The following CAB39L variants were observed in gnomAD, a reference collection of about 807,000 sequenced individuals.
The protein encoded by CAB39L is calcium binding protein 39 like, also known as calcium-binding protein 39-like.
In CAB39L, 23 loss-of-function variants were observed where a neutral mutation model predicts 39.1. That is an observed-to-expected ratio of 0.59 (90% CI 0.42 to 0.83). CAB39L has a LOEUF of 0.83. CAB39L is among the 40% of genes least tolerant of loss of function. CAB39L has a pLI of 0.00. For synonymous variants in CAB39L, 126 were observed against 137.2 expected (o/e 0.92, Z 0.57); for missense variants, 366 against 391.9 (o/e 0.93, Z 0.56).
chr13:49,411,113 T>A (rs1956979452), intron 3 of CAB39L, among the ~76,000 whole-genome samples: 1 of 152,164 alleles, frequency 6.6e-6, no homozygotes, highest in Admixed American at 6.6e-5. Flanking sequence ...GCTTCTCTAT[T>A]GTTTTAAAAT....
intron 9 of CAB39L, among the ~76,000 whole-genome samples, chr13:49,332,926 G>A (rs79947505): frequency 2.0e-3 from 297 of 151,962 alleles, no homozygotes; most frequent in Admixed American, 3.7e-3. Flanking sequence ...CCTATTTACT[G>A]GACTTTTTCT....
intron 3 of CAB39L, among the ~76,000 whole-genome samples, chr13:49,402,106 A>G (rs1956785337): frequency 1.3e-5 from 2 of 152,188 alleles, no homozygotes; most frequent in Admixed American, 1.3e-4. Flanking sequence ...CAGTTTAATC[A>G]TGTATGTGCA....
intron 3 of CAB39L, among the ~76,000 whole-genome samples, chr13:49,431,461 C>CT (rs1478272971): frequency 7.2e-5 from 11 of 152,148 alleles, no homozygotes; most frequent in African/African-American, 2.7e-4. Flanking sequence ...AATCCCAGCA[C>CT]TTTGGGAGGT....
At chr13:49,366,254 AATGCTTGAGAGGATGG>A (rs1207360761) in intron 5 of CAB39L, among the ~76,000 whole-genome samples, 1 of 152,144 alleles carries the variant, frequency 6.6e-6, no homozygotes, top group Non-Finnish European at 1.5e-5. Context: ...ACCAAGGATA[AATGCTTGAGAGGATGG>A]ATACCCAATT....
chr13:49,338,438 G>T (rs1954908627), intron 9 of CAB39L, among the ~76,000 whole-genome samples: 1 of 148,052 alleles, frequency 6.8e-6, no homozygotes, highest in Non-Finnish European at 1.5e-5. Flanking sequence ...ACTCATAGGT[G>T]GGAATTGAAC....
intron 3 of CAB39L, among the ~76,000 whole-genome samples, chr13:49,417,172 C>T (rs1268676055): frequency 6.6e-6 from 1 of 152,140 alleles, no homozygotes; most frequent in African/African-American, 2.4e-5. Flanking sequence ...AGATAGTGGG[C>T]ACTTTATATT....
intron 3 of CAB39L, among the ~76,000 whole-genome samples, chr13:49,403,278 G>C (rs1956810510): frequency 6.6e-6 from 1 of 152,072 alleles, no homozygotes; most frequent in Non-Finnish European, 1.5e-5. Context: ...ATTAGTTTTA[G>C]ATTAAAGGTT....
chr13:49,400,504 T>C (rs1444124278), intron 3 of CAB39L, among the ~76,000 whole-genome samples: 3 of 150,652 alleles, frequency 2.0e-5, no homozygotes, highest in Non-Finnish European at 4.4e-5. Context: ...TTCAACAGAA[T>C]AAGATTATAC....
chr13:49,422,503 G>A (rs930990182), intron 3 of CAB39L, among the ~76,000 whole-genome samples: 19 of 152,314 alleles, frequency 1.2e-4, no homozygotes, highest in African/African-American at 4.1e-4. Flanking sequence ...GAACTGGGAG[G>A]TGGAGGTTAC....
At chr13:49,331,246 A>T (rs1328158429) in intron 10 of CAB39L, among the ~76,000 whole-genome samples, 1 of 152,068 alleles carries the variant, frequency 6.6e-6, no homozygotes, top group Non-Finnish European at 1.5e-5. Flanking sequence ...AGGGCGGATC[A>T]CGAGGTCAGG....
intron 3 of CAB39L, among the ~76,000 whole-genome samples, chr13:49,406,333 A>AATTTTTTTT (rs1555264228): frequency 2.2e-5 from 2 of 90,630 alleles, no homozygotes; most frequent in African/African-American, 9.2e-5. Context: ...ATGCCCAGCT[A>AATTTTTTTT]TTTTTTTTTT....
intron 3 of CAB39L, among the ~76,000 whole-genome samples, chr13:49,408,178 G>A (rs1956921893): frequency 6.6e-6 from 1 of 152,196 alleles, no homozygotes; most frequent in South Asian, 2.1e-4. Flanking sequence ...GAGTATAATA[G>A]AGAATAGGTT....
chr13:49,377,056 T>C lies in CAB39L; in HGVS notation c.187A>G (p.Thr63Ala). 1 of 1,613,832 alleles carries C rather than the reference T, an allele frequency of 6.2e-7. No homozygotes were observed. Among genetic ancestry groups the C allele is most frequent in the Non-Finnish European group, 8.5e-7 (1 of 1,179,758 alleles). ...LCGTNEKEPP[T>A]EAVAQLAQEL... The stretch of plus-strand genomic sequence containing the variant: ...TGTGCTAGCTGAGCCACTGCTTCTG[T>C]TGGGGGTTCTTTCTCGTTTGTACCA... Residue 63 changes from threonine to alanine, a missense_variant, in exon 5 of 11, where the codon ACA (threonine) becomes GCA (alanine). By Grantham distance (58) the Thr-to-Ala change is moderately conservative (BLOSUM62 0). Transcript: ENST00000409308.
At chr13:49,391,017 G>T (rs951736997) in intron 3 of CAB39L, among the ~76,000 whole-genome samples, 20 of 152,100 alleles carry the variant, frequency 1.3e-4, no homozygotes, top group African/African-American at 4.8e-4. Flanking sequence ...TAAACTAATG[G>T]TTATTACACA....
intron 5 of CAB39L, among the ~76,000 whole-genome samples, chr13:49,361,500 A>AAG (rs1955629942): frequency 7.1e-6 from 1 of 140,718 alleles, no homozygotes; most frequent in Non-Finnish European, 1.5e-5. Flanking sequence ...AAAAAAAAAA[A>AAG]GAGACAGAAA....
At chr13:49,313,392 A>G (rs1263847786) in intron 10 of CAB39L, among the ~76,000 whole-genome samples, 1 of 151,852 alleles carries the variant, frequency 6.6e-6, no homozygotes, top group African/African-American at 2.4e-5. Flanking sequence ...GTGGCAGGAG[A>G]ATGGCGTGAA....
chr13:49,406,508 G>A (rs544051540), intron 3 of CAB39L, among the ~76,000 whole-genome samples: 8 of 151,588 alleles, frequency 5.3e-5, no homozygotes, highest in East Asian at 1.9e-4. Context: ...AAAAATTGAC[G>A]AATAGTTGAG....
intron 10 of CAB39L, among the ~76,000 whole-genome samples, chr13:49,318,114 AC>A: frequency 6.6e-6 from 1 of 152,194 alleles, no homozygotes; most frequent in South Asian, 2.1e-4. Flanking sequence ...AAACAAAAAA[AC>A]AAAAACAAAA....
At chr13:49,337,638 C>A (rs1435417624) in intron 9 of CAB39L, among the ~76,000 whole-genome samples, 2 of 152,000 alleles carry the variant, frequency 1.3e-5, no homozygotes, top group Non-Finnish European at 2.9e-5. Context: ...CACAAAAACA[C>A]CCTTATCAGA....
Sources: gnomAD v4.1 joint callset for allele counts (sites outside exome capture counted in the v4.1 genomes callset) on GRCh38, gnomAD v4.1.1 for gene constraint, MANE v1.5 for transcripts, NCBI Gene and HGNC (gene_info 2026-07-23, HGNC 2026-07-21) for gene names.